RBP3: variants seen among roughly 807,000 people sequenced by gnomAD.
The protein encoded by RBP3 is retinol binding protein 3.
A neutral mutation model predicts 64.8 loss-of-function variants in RBP3; 50 were observed. That is an observed-to-expected ratio of 0.77 (90% CI 0.61 to 0.98). The LOEUF (loss-of-function observed/expected upper bound fraction) is 0.98. Ranked by LOEUF, RBP3 falls within the 50% of genes least tolerant of loss-of-function variation. RBP3 has a pLI of 0.00. For missense variants in RBP3, 1,712 were observed against 1,660.5 expected, an observed-to-expected ratio of 1.03 and a Z score of -0.54; for synonymous variants, 828 against 730.2, an observed-to-expected ratio of 1.13 and a Z score of -2.16.
Position 47,348,387 on chromosome 10 carries a change from A to G in RBP3, c.-98A>G, listed in dbSNP as rs1336515998. 3 of 1,390,234 alleles carry G rather than the reference A, an allele frequency of 2.2e-6. No individual in the cohort carries two copies. In the Admixed American group the frequency reaches 5.8e-5, roughly 27 times the overall value. 86.1% of individuals were successfully genotyped at this position (1,390,234 alleles called of 1,614,324 possible). On this transcript the variant is annotated 5_prime_UTR_variant, in exon 1 of 4. Coordinates refer to ENST00000584701, the MANE Select transcript of RBP3 (RefSeq NM_002900.3). ...CAGACCTTCTGTCCACCAGCTGAGA[A>G]GGACAAGGGCGGAAGGCAGCTGCAC...
At position 47,350,505 on chromosome 10, in the gene RBP3, G is replaced by A. The variant is rs373691531; in HGVS notation, c.2021G>A (p.Arg674His). Reference protein sequence around the residue: ...LRAKLAQGAYRTAVDLESLAS... With the variant: ...LRAKLAQGAYHTAVDLESLAS... ...GCCAAGCTGGCCCAGGGCGCCTACC[G>A]CACAGCTGTGGACTTGGAGTCTCTG... The change falls in exon 1 of 4, where the codon CGC (arginine) becomes CAC (histidine). Residue 674 changes from arginine to histidine, a missense_variant. Coordinates refer to ENST00000584701, the MANE Select transcript of RBP3 (RefSeq NM_002900.3). 124 of 1,612,666 alleles carry A rather than the reference G, an allele frequency of 7.7e-5. No homozygotes were observed. Among genetic ancestry groups the A allele is most frequent in the East Asian group, 1.1e-4 (5 of 44,880 alleles).
chr10:47,355,037 G>T (rs1243435810), intron 2 of RBP3, among the ~76,000 whole-genome samples: 1 of 152,240 alleles, frequency 6.6e-6, no homozygotes, highest in Non-Finnish European at 1.5e-5. Flanking sequence ...TATGGGTGCA[G>T]GGGAGCAGTC....
In RBP3 at chr10:47,351,037, G is replaced by T; in HGVS notation, c.2553G>T (p.Ala851=). ...YILMSHTSGS[A]AEAFAHTMQD... Reference sequence around the variant, plus strand: ...TGATGAGCCACACCAGTGGCTCTGCGGCCGAGGCCTTTGCACACACCATGC... The same window carrying T: ...TGATGAGCCACACCAGTGGCTCTGCTGCCGAGGCCTTTGCACACACCATGC... Residue 851 remains alanine, a synonymous_variant, in exon 1 of 4, where the codon GCG becomes GCT. Transcript: ENST00000584701. 1 of 1,610,788 alleles carries T rather than the reference G, an allele frequency of 6.2e-7. No homozygotes were observed. Among genetic ancestry groups the T allele is most frequent in the Non-Finnish European group, 8.5e-7 (1 of 1,179,844 alleles).
chr10:47,349,882 G>T lies in RBP3; in HGVS notation c.1398G>T (p.Glu466Asp), dbSNP rs1555211203. ...LAPYVLRQVW[E>D]PLQDTEHLIM... is the part of the protein sequence containing the mutation. ...CATATGTCCTGCGCCAGGTGTGGGA[G>T]CCGCTACAGGACACGGAGCACCTCA... Residue 466 changes from glutamate (E) to aspartate (D), a missense_variant, in exon 1 of 4, where the codon GAG (glutamate) becomes GAT (aspartate). Coordinates refer to ENST00000584701, the MANE Select transcript of RBP3 (RefSeq NM_002900.3). 3 of 1,613,104 alleles carry T rather than the reference G, an allele frequency of 1.9e-6. No individual in the cohort carries two copies. The Admixed American group carries it at 5.0e-5, about 27-fold the overall frequency.
In RBP3 at chr10:47,357,216, G is replaced by C; in HGVS notation, c.3503G>C (p.Gly1168Ala). 1 of 1,614,042 alleles carries C rather than the reference G, an allele frequency of 6.2e-7. No homozygotes were observed. Among genetic ancestry groups the C allele is most frequent in the Non-Finnish European group, 8.5e-7 (1 of 1,180,030 alleles). ...AGGCTGGGCCGGGCCCTGGTCATTGGGGAGGTGACCAGTGGGGGCTGCCAG... is the reference window on the plus strand; with the variant it reads ...AGGCTGGGCCGGGCCCTGGTCATTGCGGAGGTGACCAGTGGGGGCTGCCAG... Reference protein sequence around the residue: ...MKRLGRALVIGEVTSGGCQPP... With the variant: ...MKRLGRALVIAEVTSGGCQPP... The change falls in exon 4 of 4, where the codon GGG (glycine) becomes GCG (alanine). Residue 1168 changes from glycine (G) to alanine (A), a missense_variant. Transcript: ENST00000584701.
At position 47,351,377 on chromosome 10, in the gene RBP3, CTG is replaced by C; in HGVS notation, c.2894_2895del (p.Leu965GlnfsTer23). 15 of 1,613,588 alleles carry C rather than the reference CTG, an allele frequency of 9.3e-6. No individual in the cohort carries two copies. Among genetic ancestry groups the C allele is most frequent in the Non-Finnish European group, 1.2e-5 (14 of 1,180,036 alleles). On this transcript the variant is annotated frameshift_variant, in exon 1 of 4. Coordinates refer to ENST00000584701, the MANE Select transcript of RBP3 (RefSeq NM_002900.3). LOFTEE classifies it high-confidence loss of function. The stretch of plus-strand genomic sequence containing the variant: ...GCTGGGGGCCAAGATGGCCACCAAA[CTG>C]AGCGGTCTGCAGAGCCGCTACTCCA... ...AELGAKMATK[L>X]SGLQSRYSRV...
At position 47,350,263 on chromosome 10, in the gene RBP3, G is replaced by A. The variant is rs1555211323; in HGVS notation, c.1779G>A (p.Val593=). The A allele has an allele frequency of 1.2e-6, 2 of 1,607,606 alleles. No individual in the cohort carries two copies. The highest frequency in any genetic ancestry group is 1.7e-5 in the Admixed American group (1 of 60,008). Residue 593 remains valine (V), a synonymous_variant, in exon 1 of 4, where the codon GTG becomes GTA. Transcript: ENST00000584701. ...DTPEGSLALT[V]PVLTFIDNHG... is the part of the protein sequence containing the mutation. ...CCGAAGGCAGCCTCGCGCTCACCGT[G>A]CCGGTCCTCACCTTCATCGACAATC...
At chr10:47,356,808 G>C (rs1837052591) in intron 3 of RBP3, among the ~76,000 whole-genome samples, 1 of 152,202 alleles carries the variant, frequency 6.6e-6, no homozygotes, top group African/African-American at 2.4e-5. Flanking sequence ...TTCATGAAGA[G>C]AGAGGATGCT....
In RBP3 at chr10:47,348,497, T is replaced by A; in HGVS notation, c.13T>A (p.Trp5Arg). MMRE[W>R]VLLMSVLLCG... ...CCCCTGGGTCCCCATGATGAGAGAATGGGTTCTGCTCATGTCCGTGCTGCT... is the reference window on the plus strand; with the variant it reads ...CCCCTGGGTCCCCATGATGAGAGAAAGGGTTCTGCTCATGTCCGTGCTGCT... The change falls in exon 1 of 4, where the codon TGG (tryptophan) becomes AGG (arginine). Residue 5 changes from tryptophan to arginine, a missense_variant. Physicochemically the swap from Trp to Arg is moderately radical, Grantham distance 101. Transcript: ENST00000584701. 6.2e-7 allele frequency: 1 copy of A among 1,603,846 alleles called. No homozygotes were observed.
chr10:47,350,373 T>C lies in RBP3; in HGVS notation c.1889T>C (p.Leu630Pro). ...EEALDKAQEV[L>P]EFHQSLGALV... ...GCCCTGGACAAAGCCCAGGAAGTGC[T>C]GGAGTTCCACCAAAGCCTGGGGGCC... Residue 630 changes from leucine (L) to proline (P), a missense_variant, in exon 1 of 4, where the codon CTG becomes CCG. By Grantham distance (98) the Leu-to-Pro change is moderately conservative (BLOSUM62 -3). Transcript: ENST00000584701. The C allele has an allele frequency of 6.2e-7, 1 of 1,612,450 alleles. No individual in the cohort carries two copies. The highest frequency in any genetic ancestry group is 8.5e-7 in the Non-Finnish European group (1 of 1,179,936).
Position 47,357,092 on chromosome 10 carries a change from T to TG in RBP3, c.3389-9dup, listed in dbSNP as rs782143065. ...ATGACCCCCATCCTGAAGGGCCTTATGTCTTCCAGGTGAACGCTATGGCTC... is the reference window on the plus strand; with the variant it reads ...ATGACCCCCATCCTGAAGGGCCTTATGGTCTTCCAGGTGAACGCTATGGCTC... On this transcript the variant is annotated splice_polypyrimidine_tract_variant and intron_variant, in intron 3 of 3. Transcript: ENST00000584701. The TG allele has an allele frequency of 6.2e-7, 1 of 1,607,278 alleles. No homozygotes were observed. The highest frequency in any genetic ancestry group is 8.5e-7 in the Non-Finnish European group (1 of 1,179,472).
rs553822095 is a variant in RBP3, at chr10:47,353,235, T to C, written c.3055-90T>C. ...TTCAGAAATGTTAGTTCCTGTCCCATGCCCTTAATATTTCCCATGGCGCCT... is the reference window on the plus strand; with the variant it reads ...TTCAGAAATGTTAGTTCCTGTCCCACGCCCTTAATATTTCCCATGGCGCCT... On this transcript the variant is annotated intron_variant, in intron 1 of 3. Coordinates refer to ENST00000584701, the MANE Select transcript of RBP3 (RefSeq NM_002900.3). 252 of 1,182,754 alleles carry C rather than the reference T, an allele frequency of 2.1e-4. 1 individual carries two copies. In the South Asian group the frequency reaches 3.0e-3, roughly 14 times the overall value. The allele number at this position is 1,182,754 out of a possible 1,614,324, so 73.3% of individuals were successfully genotyped here.
chr10:47,354,358 G>A (rs1837019785), intron 2 of RBP3, among the ~76,000 whole-genome samples: 1 of 152,146 alleles, frequency 6.6e-6, no homozygotes, highest in Non-Finnish European at 1.5e-5. Context: ...GCAGGGGGTG[G>A]CAGACCAGAA....
chr10:47,349,949 G>A lies in RBP3; in HGVS notation c.1465G>A (p.Val489Met). The change falls in exon 1 of 4, where the codon GTG (valine) becomes ATG (methionine). Residue 489 changes from valine (V) to methionine (M), a missense_variant. Coordinates refer to ENST00000584701, the MANE Select transcript of RBP3 (RefSeq NM_002900.3). ...RHNPGGPSSAVPLLLSYFQGP... is the reference protein window; with the variant it reads ...RHNPGGPSSAMPLLLSYFQGP... ...CAACCCTGGAGGGCCATCCTCTGCT[G>A]TGCCCCTGCTCCTGTCCTACTTCCA... The A allele has an allele frequency of 1.2e-6, 2 of 1,612,412 alleles. No individual in the cohort carries two copies. The highest frequency in any genetic ancestry group is 1.7e-5 in the Admixed American group (1 of 60,000).
In RBP3 at chr10:47,349,937, C is replaced by A; in HGVS notation, c.1453C>A (p.Pro485Thr). 6.2e-7 allele frequency: 1 copy of A among 1,612,404 alleles called. No individual in the cohort carries two copies. The highest frequency in any genetic ancestry group is 8.5e-7 in the Non-Finnish European group (1 of 1,179,346). Residue 485 changes from proline to threonine, a missense_variant, in exon 1 of 4, where the codon CCA becomes ACA. By Grantham distance (38) the Pro-to-Thr change is conservative (BLOSUM62 -1). Transcript: ENST00000584701. Reference sequence around the variant, plus strand: ...GGACCTGCGCCACAACCCTGGAGGGCCATCCTCTGCTGTGCCCCTGCTCCT... The same window carrying A: ...GGACCTGCGCCACAACCCTGGAGGGACATCCTCTGCTGTGCCCCTGCTCCT... Reference protein sequence around the residue: ...IMDLRHNPGGPSSAVPLLLSY... With the variant: ...IMDLRHNPGGTSSAVPLLLSY...
At chr10:47,355,596 G>T in intron 3 of RBP3, 78 bp downstream of exon 3, 1 of 1,593,834 alleles carries the variant, frequency 6.3e-7, no homozygotes, top group Non-Finnish European at 8.6e-7. Flanking sequence ...CTTGGGTGTA[G>T]GTAAAAGTCA....
rs782420993 is a variant in RBP3, at chr10:47,350,320, G to T, written c.1836G>T (p.Val612=). The part of the protein sequence containing the change: ...HGEAWLGGGV[V]PDAIVLAEEA... ...AGGCCTGGCTGGGTGGTGGAGTGGT[G>T]CCCGATGCCATCGTGCTGGCCGAGG... Residue 612 remains valine, a synonymous_variant, in exon 1 of 4, where the codon GTG becomes GTT. Transcript: ENST00000584701. 6.2e-7 allele frequency: 1 copy of T among 1,610,872 alleles called. No homozygotes were observed.
rs1836958960 is a variant in RBP3, at chr10:47,350,858, G to A, written c.2374G>A (p.Ala792Thr). 1.2e-6 allele frequency: 2 copies of A among 1,612,304 alleles called. No individual in the cohort carries two copies. Among genetic ancestry groups the A allele is most frequent in the South Asian group, 1.1e-5 (1 of 91,014 alleles). ...CTACAACCCTGGCAGCTACTCCACG[G>A]CCATCCCGCTGCTCTGCTCCTACTT... ...LRYNPGSYSTAIPLLCSYFFE... is the reference protein window; with the variant it reads ...LRYNPGSYSTTIPLLCSYFFE... Residue 792 changes from alanine to threonine, a missense_variant, in exon 1 of 4, where the codon GCC (alanine) becomes ACC (threonine). Transcript: ENST00000584701.
In RBP3 at chr10:47,350,815, G is replaced by T; in HGVS notation, c.2331G>T (p.Ala777=). The change falls in exon 1 of 4, where the codon GCG becomes GCT. Residue 777 remains alanine, a synonymous_variant. Transcript: ENST00000584701. ...GGCAACAGCTGGTGGACACGGCTGC[G>T]CTGGTGATCGACCTGCGCTACAACC... is the stretch of plus-strand genomic sequence containing the variant. ...LVWQQLVDTA[A]LVIDLRYNPG... is the part of the protein sequence containing the mutation. 1 of 1,613,008 alleles carries T rather than the reference G, an allele frequency of 6.2e-7. No individual in the cohort carries two copies. Among genetic ancestry groups the T allele is most frequent in the African/African-American group, 1.3e-5 (1 of 75,052 alleles).
Sources: gnomAD v4.1 joint callset for allele counts (sites outside exome capture counted in the v4.1 genomes callset) on GRCh38, gnomAD v4.1.1 for gene constraint, MANE v1.5 for transcripts, NCBI Gene and HGNC (gene_info 2026-07-23, HGNC 2026-07-21) for gene names.